Variants in PLCD1 observed in about 807,000 individuals in gnomAD.
PLCD1 encodes the protein 1-phosphatidylinositol 4,5-bisphosphate phosphodiesterase delta-1.
In PLCD1, 71 loss-of-function variants were observed where a neutral mutation model predicts 87.4. That is an observed-to-expected ratio of 0.81 (90% CI 0.67 to 0.99). The LOEUF (loss-of-function observed/expected upper bound fraction) is 0.99, where lower values mean the gene tolerates loss of function less well. Among genes scored for constraint, PLCD1 ranks in the 50% least tolerant of loss-of-function variants. The pLI is 0.00. For missense variants in PLCD1, 867 were observed against 1,001.5 expected, an observed-to-expected ratio of 0.87 and a Z score of 1.81; for synonymous variants, 348 against 399.2, an observed-to-expected ratio of 0.87 and a Z score of 1.53.
chr3:38,010,688 G>T, intron 5 of PLCD1, 126 bp from the exon 6 acceptor site: 1 of 733,932 alleles, frequency 1.4e-6, no homozygotes, highest in Non-Finnish European at 2.3e-6. Flanking sequence ...GTCTTCCAGA[G>T]CTCTTGGAAT....
chr3:38,024,686 C>T, intron 1 of PLCD1: 4 of 1,496,472 alleles, frequency 2.7e-6, no homozygotes, highest in Admixed American at 2.0e-5. Context: ...AGCTAGTCCA[C>T]GAGCGGCGGG....
chr3:38,016,425 G>T (rs1700154935), intron 3 of PLCD1, 66 bp downstream of exon 3: 2 of 1,073,264 alleles, frequency 1.9e-6, no homozygotes, highest in Non-Finnish European at 2.8e-6. Context: ...TACCCAAGTT[G>T]CCCTGGGGAT....
At chr3:38,021,101 G>C (rs778274794) in intron 1 of PLCD1, among the ~76,000 whole-genome samples, 1 of 152,194 alleles carries the variant, frequency 6.6e-6, no homozygotes, top group Non-Finnish European at 1.5e-5. Context: ...CATTGTGGTT[G>C]CTGTGGGACC....
chr3:38,007,918 G>C (rs1000019380), intron 14 of PLCD1, 60 bp from the exon 15 acceptor site: 50 of 1,604,574 alleles, frequency 3.1e-5, no homozygotes, highest in Middle Eastern at 1.7e-4. Context: ...GGCGGCGGAG[G>C]GGGGGTGGAT....
chr3:38,017,907 C>G lies in PLCD1; in HGVS notation c.200-1188G>C, dbSNP rs1470427837. ...CGGCTTAATCCCTCTGCCTGCAGCC[C>G]CTGGTGACCCACACGGCCGCACACA... On this transcript the variant is annotated intron_variant, in intron 2 of 14. Transcript: ENST00000334661. This position sits in a 1 kb window ranked among gnomAD's most constrained non-coding sequence, Gnocchi z 4.7. 6.6e-6 allele frequency among the ~76,000 whole-genome samples: 1 copy of G among 152,160 alleles called. No homozygotes were observed. The highest frequency in any genetic ancestry group is 2.4e-5 in the African/African-American group (1 of 41,424).
chr3:38,026,535 T>C (rs1344382982), intron 1 of PLCD1, among the ~76,000 whole-genome samples: 1 of 152,034 alleles, frequency 6.6e-6, no homozygotes, highest in Non-Finnish European at 1.5e-5. Flanking sequence ...AATAAACAAA[T>C]AAATAAATAA....
intron 3 of PLCD1, among the ~76,000 whole-genome samples, chr3:38,015,084 C>T (rs1438780099): frequency 6.6e-6 from 1 of 152,178 alleles, no homozygotes; most frequent in Non-Finnish European, 1.5e-5. Context: ...CCATATGACC[C>T]AGCGATTCTA....
rs1386402783 is a variant in PLCD1 at position 38,010,345 on chromosome 3, G to A, written c.992+16C>T. On this transcript the variant is annotated intron_variant, in intron 6 of 14. Transcript: ENST00000334661. Reference sequence around the variant, plus strand: ...GTCCCACCCAGACTCCCGACCCAAGGCTCCCTGAGCAGCACCGGATGTAGG... The same window carrying A: ...GTCCCACCCAGACTCCCGACCCAAGACTCCCTGAGCAGCACCGGATGTAGG... The A allele has an allele frequency of 1.2e-6, 2 of 1,614,152 alleles. No individual in the cohort carries two copies. The highest frequency in any genetic ancestry group is 2.2e-5 in the South Asian group (2 of 91,080).
At position 38,025,120 on chromosome 3, in the gene PLCD1, G is replaced by C. The variant is rs1458476776; in HGVS notation, c.34+4386C>G. 1.3e-5 allele frequency among the ~76,000 whole-genome samples: 2 copies of C among 151,626 alleles called. No individual in the cohort carries two copies. Among genetic ancestry groups the C allele is most frequent in the Admixed American group, 6.6e-5 (1 of 15,238 alleles). On this transcript the variant is annotated intron_variant, in intron 1 of 14. Coordinates refer to ENST00000334661, the MANE Select transcript of PLCD1 (RefSeq NM_006225.4). This position sits in a 1 kb window ranked among gnomAD's most constrained non-coding sequence, Gnocchi z 4.0. ...CGACGTGGAGGCAGAGCCATACCCA[G>C]GAAGCAGCCCGGGGGCGGGGCCAGG...
At position 38,018,843 on chromosome 3, in the gene PLCD1, G is replaced by A. The variant is rs1031943767; in HGVS notation, c.199+1345C>T. On this transcript the variant is annotated intron_variant, in intron 2 of 14. Transcript: ENST00000334661. The surrounding 1 kb of genome is among the most constrained non-coding windows in gnomAD (Gnocchi z 5.7). ...AGCAGGCTGAGCTGGGGCTCCGTGT[G>A]GTTTCCTCAGAATGTTCTGGAGCCC... 1 of 152,192 alleles carries A rather than the reference G, an allele frequency of 6.6e-6. No homozygotes were observed. The highest frequency in any genetic ancestry group is 1.5e-5 in the Non-Finnish European group (1 of 68,104). The allele number at this position is 152,192 out of a possible 1,614,324, so 9.4% of individuals were successfully genotyped here. A position where few individuals can be genotyped will look rare whatever the true frequency, so the allele number is the denominator to read the frequency against.
chr3:38,008,418 G>A (rs1343630065), intron 12 of PLCD1, 40 bp downstream of exon 12: 7 of 1,614,030 alleles, frequency 4.3e-6, no homozygotes, highest in Non-Finnish European at 8.5e-7. Flanking sequence ...AGCGGGGAAG[G>A]GAGGTCCGTG....
Position 38,008,277 on chromosome 3 carries a change from G to A in PLCD1, c.1993C>T (p.Arg665Trp), listed in dbSNP as rs1016693249. The A allele has an allele frequency of 1.8e-5, 29 of 1,614,048 alleles. No individual in the cohort carries two copies. Among genetic ancestry groups the A allele is most frequent in the African/African-American group, 2.7e-5 (2 of 74,926 alleles). The change falls in exon 13 of 15, where the codon CGG (arginine) becomes TGG (tryptophan). Residue 665 changes from arginine to tryptophan, a missense_variant. Arg to Trp is a moderately radical substitution (Grantham distance 101). Transcript: ENST00000334661. ...KVTVEIHGVS[R>W]DVASRQTAVI... The stretch of plus-strand genomic sequence containing the variant: ...GCAGTCTGGCGGCTGGCCACGTCCC[G>A]GCTCACGCCATGGATCTCCACTGTC...
Position 38,017,927 on chromosome 3 carries a change from C to T in PLCD1, c.200-1208G>A, listed in dbSNP as rs1057437103. 3.3e-5 allele frequency among the ~76,000 whole-genome samples: 5 copies of T among 152,104 alleles called. No homozygotes were observed. Among genetic ancestry groups the T allele is most frequent in the Admixed American group, 6.5e-5 (1 of 15,282 alleles). On this transcript the variant is annotated intron_variant, in intron 2 of 14. Coordinates refer to ENST00000334661, the MANE Select transcript of PLCD1 (RefSeq NM_006225.4). The surrounding 1 kb of genome is among the most constrained non-coding windows in gnomAD (Gnocchi z 4.7). ...CAGCCCCTGGTGACCCACACGGCCG[C>T]ACACAGGGTGCAGCTGCAGCTGCCT... is the stretch of plus-strand genomic sequence containing the variant.
intron 1 of PLCD1, among the ~76,000 whole-genome samples, chr3:38,020,982 A>G (rs1700225505): frequency 6.6e-6 from 1 of 152,128 alleles, no homozygotes; most frequent in African/African-American, 2.4e-5. Context: ...TGTCTATGAA[A>G]TGGAGATAAT....
chr3:38,013,208 C>CTTT (rs869279889), intron 3 of PLCD1, among the ~76,000 whole-genome samples: 2 of 118,502 alleles, frequency 1.7e-5, no homozygotes, highest in East Asian at 2.5e-4. Flanking sequence ...TTTTAATTTT[C>CTTT]TTTTTTTTTT....
At chr3:38,023,893 A>C (rs532119420) in intron 1 of PLCD1, among the ~76,000 whole-genome samples, 42 of 149,592 alleles carry the variant, frequency 2.8e-4, no homozygotes, top group African/African-American at 1.0e-3. Flanking sequence ...CACAGACCCC[A>C]GGCATGACAG....
rs1700286975 is a variant in PLCD1, at chr3:38,024,694, G to A, written c.35-4342C>T. ...GAGGCGGAGCTAGTCCACGAGCGGC[G>A]GGACCTATGCCCCCTGAAGGTGAGG... On this transcript the variant is annotated intron_variant, in intron 1 of 14. Coordinates refer to ENST00000334661, the MANE Select transcript of PLCD1 (RefSeq NM_006225.4). 6 of 1,491,826 alleles carry A rather than the reference G, an allele frequency of 4.0e-6. No individual in the cohort carries two copies. The Admixed American group carries it at 8.1e-5, about 20-fold the overall frequency. The allele number at this position is 1,491,826 out of a possible 1,614,324, so 92.4% of individuals were successfully genotyped here.
chr3:38,020,496 C>A lies in PLCD1; in HGVS notation c.35-144G>T. ...TCAGCTCTGTTTACTCCTCCCTCCT[C>A]CACCCATGCTCCAACCTGCTCCCAG... On this transcript the variant is annotated intron_variant, in intron 1 of 14. Transcript: ENST00000334661. The A allele has an allele frequency of 3.8e-6, 3 of 791,038 alleles. No homozygotes were observed. The South Asian group carries it at 4.3e-5, about 11-fold the overall frequency. The allele number at this position is 791,038 out of a possible 1,614,324, so 49.0% of individuals were successfully genotyped here. A position where few individuals can be genotyped will look rare whatever the true frequency, so the allele number is the denominator to read the frequency against.
chr3:38,009,010 C>T (rs1207571179), intron 11 of PLCD1, 32 bp downstream of exon 11: 2 of 1,564,952 alleles, frequency 1.3e-6, no homozygotes, highest in Admixed American at 1.7e-5. Context: ...AAACCCTCCT[C>T]CAGGCCTCCT....
Sources: gnomAD v4.1 joint callset for allele counts (sites outside exome capture counted in the v4.1 genomes callset) on GRCh38, gnomAD v4.1.1 for gene constraint, Gnocchi (gnomAD v3.1) non-coding constraint, MANE v1.5 for transcripts, NCBI Gene and HGNC (gene_info 2026-07-23, HGNC 2026-07-21) for gene names.